GAL3ST1: variants seen among roughly 807,000 people sequenced by gnomAD.
GAL3ST1 encodes the protein galactose-3-O-sulfotransferase 1.
Under a neutral mutation model 25.0 loss-of-function variants are expected in GAL3ST1, and 13 were observed. The observed-to-expected ratio is 0.52, with a 90% CI of 0.34 to 0.83. The LOEUF (loss-of-function observed/expected upper bound fraction) is 0.83, where lower values mean the gene tolerates loss of function less well. GAL3ST1 is among the 40% of genes least tolerant of loss of function. GAL3ST1 has a pLI of 0.02. For missense variants in GAL3ST1, 474 were observed against 613.6 expected, an observed-to-expected ratio of 0.77 and a Z score of 2.40; for synonymous variants, 274 against 277.8, an observed-to-expected ratio of 0.99 and a Z score of 0.14.
At chr22:30,559,080 C>G (rs1446069209) in intron 1 of GAL3ST1, among the ~76,000 whole-genome samples, 2 of 151,794 alleles carry the variant, frequency 1.3e-5, no homozygotes, top group Non-Finnish European at 2.9e-5. Flanking sequence ...ATCGCTTGAA[C>G]CCAGGAGGTA....
chr22:30,570,784 C>G (rs945344987), intron 1 of GAL3ST1, among the ~76,000 whole-genome samples: 10 of 86,602 alleles, frequency 1.2e-4, no homozygotes, highest in Admixed American at 7.3e-4. Flanking sequence ...GAAACTCCGT[C>G]TCAAAAAAAA....
intron 1 of GAL3ST1, among the ~76,000 whole-genome samples, chr22:30,568,057 AC>A (rs970326597): frequency 6.6e-6 from 1 of 152,202 alleles, no homozygotes; most frequent in Non-Finnish European, 1.5e-5. Context: ...GTTCATGATA[AC>A]CCGGTGCAGA....
At chr22:30,566,046 GCT>G (rs1490953542) in intron 1 of GAL3ST1, 1 of 152,388 alleles carries the variant, frequency 6.6e-6, no homozygotes, top group Non-Finnish European at 1.5e-5. Flanking sequence ...ATCCTCACTT[GCT>G]CTGAGTCCCC....
In GAL3ST1 at chr22:30,555,214, G is replaced by C. The variant is rs575559122; in HGVS notation, c.1011C>G (p.Ala337=). ...MAREVAALRH[A]NERMRTICID... Reference sequence around the variant, plus strand: ...TGCAGATGGTCCGCATGCGCTCGTTGGCATGGCGCAGGGCGGCCACCTCGC... The same window carrying C: ...TGCAGATGGTCCGCATGCGCTCGTTCGCATGGCGCAGGGCGGCCACCTCGC... Residue 337 remains alanine, a synonymous_variant, in exon 4 of 4, where the codon GCC becomes GCG. Coordinates refer to ENST00000406361, the MANE Select transcript of GAL3ST1 (RefSeq NM_001318104.2). This position sits in a 1 kb window ranked among gnomAD's most constrained non-coding sequence, Gnocchi z 8.6. 1.9e-6 allele frequency: 3 copies of C among 1,599,122 alleles called. No individual in the cohort carries two copies. The African/African-American group carries it at 4.0e-5, about 21-fold the overall frequency.
Position 30,556,079 on chromosome 22 carries a change from G to GCGGCCTC in GAL3ST1, c.139_145dup (p.Ala49GlyfsTer64), listed in dbSNP as rs1254526478. The GCGGCCTC allele has an allele frequency of 6.2e-7, 1 of 1,605,196 alleles. No individual in the cohort carries two copies. Among genetic ancestry groups the GCGGCCTC allele is most frequent in the African/African-American group, 1.3e-5 (1 of 74,884 alleles). On this transcript the variant is annotated frameshift_variant, in exon 4 of 4. Transcript: ENST00000406361. LOFTEE classifies it high-confidence loss of function. Reference sequence around the variant, plus strand: ...GAGTGCAGGTGGAGAGCAGGACGCTGCGGCCTCCGGGGTCCTGCTGGGGAC... The same window carrying GCGGCCTC: ...GAGTGCAGGTGGAGAGCAGGACGCTGCGGCCTCCGGCCTCCGGGGTCCTGCTGGGGAC...
intron 1 of GAL3ST1, among the ~76,000 whole-genome samples, chr22:30,571,819 G>C (rs568898750): frequency 2.0e-5 from 3 of 152,242 alleles, no homozygotes; most frequent in African/African-American, 7.2e-5. Flanking sequence ...AGCCGAGATT[G>C]CACCACTGCA....
At chr22:30,566,882 T>C (rs1293206931) in intron 1 of GAL3ST1, among the ~76,000 whole-genome samples, 2 of 152,334 alleles carry the variant, frequency 1.3e-5, no homozygotes, top group African/African-American at 4.8e-5. Flanking sequence ...GTGCTGGGAT[T>C]ACAGGCGTGA....
intron 3 of GAL3ST1, 113 bp downstream of exon 3, chr22:30,557,149 G>T: frequency 9.4e-7 from 1 of 1,066,356 alleles, no homozygotes; most frequent in East Asian, 2.5e-5. Flanking sequence ...GCAGGGTGCA[G>T]GGTGGCTACC....
At position 30,554,794 on chromosome 22, in the gene GAL3ST1, G is replaced by A. The variant is rs891773381; in HGVS notation, c.*159C>T. ...GGTTAGGCCCTCTCTGTGTTCATGG[G>A]CCCAGTCTTGGCTGGCTGCCTCCCC... On this transcript the variant is annotated 3_prime_UTR_variant, in exon 4 of 4. Coordinates refer to ENST00000406361, the MANE Select transcript of GAL3ST1 (RefSeq NM_001318104.2). 3 of 567,046 alleles carry A rather than the reference G, an allele frequency of 5.3e-6. No homozygotes were observed. The highest frequency in any genetic ancestry group is 9.2e-6 in the Non-Finnish European group (3 of 325,070). 35.1% of individuals were successfully genotyped at this position (567,046 alleles called of 1,614,324 possible).
chr22:30,562,898 C>T (rs1319456670), intron 1 of GAL3ST1, among the ~76,000 whole-genome samples: 7 of 152,138 alleles, frequency 4.6e-5, no homozygotes, highest in South Asian at 2.1e-4. Context: ...AGGCAGATCA[C>T]GAGGTCAGGA....
At chr22:30,567,675 GTTGT>G (rs1469106642) in intron 1 of GAL3ST1, among the ~76,000 whole-genome samples, 1 of 151,866 alleles carries the variant, frequency 6.6e-6, no homozygotes, top group African/African-American at 2.4e-5. Flanking sequence ...TTTTTGTTTG[GTTGT>G]TTTTTGTTGT....
chr22:30,566,704 G>A (rs1178671634), intron 1 of GAL3ST1, among the ~76,000 whole-genome samples: 1 of 152,022 alleles, frequency 6.6e-6, no homozygotes, highest in Non-Finnish European at 1.5e-5. Flanking sequence ...CCACCTCCCA[G>A]GTTCATGTTA....
intron 1 of GAL3ST1, chr22:30,572,555 C>T (rs1294246835): frequency 6.6e-6 from 1 of 152,242 alleles, no homozygotes; most frequent in African/African-American, 2.4e-5. Context: ...CCTCCTAGAT[C>T]CCACCTGGTA....
rs537850347 is a variant in GAL3ST1, at chr22:30,567,080, C to T, written c.-120+7386G>A. Among the ~76,000 whole-genome samples, 20 of 152,082 alleles carry T rather than the reference C, an allele frequency of 1.3e-4. No homozygotes were observed. In the East Asian group the frequency reaches 3.9e-3, roughly 29 times the overall value. ...CAAGCAATTCTCCTGCCTCAGCCAC[C>T]CAAGTAGCTGGGATTACAGACATGC... On this transcript the variant is annotated intron_variant, in intron 1 of 3. Coordinates refer to ENST00000406361, the MANE Select transcript of GAL3ST1 (RefSeq NM_001318104.2).
chr22:30,573,425 T>C (rs1601994045), intron 1 of GAL3ST1, among the ~76,000 whole-genome samples: 1 of 152,194 alleles, frequency 6.6e-6, no homozygotes, highest in Non-Finnish European at 1.5e-5. Flanking sequence ...TAGGTAGCAA[T>C]GCCTCCTTCA....
At chr22:30,567,336 G>C (rs1223416121) in intron 1 of GAL3ST1, among the ~76,000 whole-genome samples, 1 of 152,104 alleles carries the variant, frequency 6.6e-6, no homozygotes, top group African/African-American at 2.4e-5. Flanking sequence ...ACAGTGGCGT[G>C]ATCATGACTC....
intron 1 of GAL3ST1, among the ~76,000 whole-genome samples, chr22:30,565,502 A>C (rs1472752136): frequency 1.3e-5 from 2 of 152,184 alleles, no homozygotes. Context: ...AAGAATGAAC[A>C]ACTAACTCAG....
At position 30,555,495 on chromosome 22, in the gene GAL3ST1, G is replaced by C. The variant is rs114565111; in HGVS notation, c.730C>G (p.Arg244Gly). ...QVQEHILEVE[R>G]RFHLVLLQEY... ...TGAAGGAGCACCAGGTGGAAGCGACGCTCCACCTCCAGGATGTGCTCCTGC... is the reference window on the plus strand; with the variant it reads ...TGAAGGAGCACCAGGTGGAAGCGACCCTCCACCTCCAGGATGTGCTCCTGC... The change falls in exon 4 of 4, where the codon CGT (arginine) becomes GGT (glycine). Residue 244 changes from arginine (R) to glycine (G), a missense_variant. This residue lies in a region of GAL3ST1 where 359 missense variants were observed against 504.4 expected (regional missense o/e 0.71). Transcript: ENST00000406361. The surrounding 1 kb of genome is among the most constrained non-coding windows in gnomAD (Gnocchi z 8.6). 2.7e-4 allele frequency: 438 copies of C among 1,613,284 alleles called. No homozygotes were observed. In the African/African-American group the frequency reaches 5.5e-3, roughly 20 times the overall value.
chr22:30,574,000 G>A (rs1358005129), intron 1 of GAL3ST1, among the ~76,000 whole-genome samples: 3 of 152,156 alleles, frequency 2.0e-5, no homozygotes, highest in Non-Finnish European at 4.4e-5. Flanking sequence ...CCCAGCAGAG[G>A]GGATCCATCC....
Sources: gnomAD v4.1 joint callset for allele counts (sites outside exome capture counted in the v4.1 genomes callset) on GRCh38, gnomAD v4.1.1 for gene constraint, gnomAD v4.1.1 regional missense constraint, Gnocchi (gnomAD v3.1) non-coding constraint, MANE v1.5 for transcripts, NCBI Gene and HGNC (gene_info 2026-07-23, HGNC 2026-07-21) for gene names.